XG: variants seen among roughly 807,000 people sequenced by gnomAD.
XG encodes glycoprotein Xg.
A neutral mutation model predicts 25.7 loss-of-function variants in XG; 24 were observed. The observed-to-expected ratio is 0.93, with a 90% CI of 0.68 to 1.31. The LOEUF (loss-of-function observed/expected upper bound fraction) is 1.31. Ranked by LOEUF, XG falls within the 40% of genes most tolerant of loss-of-function variation. The probability of loss-of-function intolerance (pLI) is 0.00; values close to 1 mark genes in which losing one functional copy is unlikely to be tolerated. For missense variants in XG, 181 were observed against 187.6 expected (o/e 0.96, Z 0.21); for synonymous variants, 77 against 69.2 (o/e 1.11, Z -0.56).
intron 1 of XG, among the ~76,000 whole-genome samples, chrX:2,758,067 C>T (rs770479817): frequency 3.3e-5 from 5 of 151,790 alleles, no homozygotes; most frequent in East Asian, 3.9e-4. Flanking sequence ...CCCCAAACCA[C>T]GCCAGCCTCA....
chrX:2,780,762 G>C (rs2051103062), intron 3 of XG, among the ~76,000 whole-genome samples: 1 of 152,042 alleles, frequency 6.6e-6, no homozygotes, highest in African/African-American at 2.4e-5. Context: ...TGGAAAGGTG[G>C]AGCACTTGAA....
At position 2,770,556 on chromosome X, in the gene XG, G is replaced by A. The variant is rs1249844113; in HGVS notation, c.68G>A (p.Arg23Lys). The A allele has an allele frequency of 6.2e-7, 1 of 1,613,814 alleles. No homozygotes were observed. Among genetic ancestry groups the A allele is most frequent in the African/African-American group, 1.3e-5 (1 of 74,908 alleles). ...LCFLMHARGQ[R>K]DFDLADALDD... ...CCCTGTTTGCTCCCAATAGGTCAAAGAGACTTTGATTTGGCAGATGCCCTT... is the reference window on the plus strand; with the variant it reads ...CCCTGTTTGCTCCCAATAGGTCAAAAAGACTTTGATTTGGCAGATGCCCTT... Residue 23 changes from arginine to lysine, a missense_variant, in exon 2 of 11, where the codon AGA becomes AAA. By Grantham distance (26) the Arg-to-Lys change is conservative (BLOSUM62 2). Transcript: ENST00000644266.
intron 6 of XG, 91 bp downstream of exon 6, chrX:2,794,694 G>A (rs2086868144): frequency 9.7e-7 from 1 of 1,027,765 alleles, no homozygotes; most frequent in African/African-American, 1.9e-5. Flanking sequence ...GAGAGCTGAG[G>A]TTGGGGCAGA....
At chrX:2,795,690 G>A (rs1429005175) in intron 6 of XG, among the ~76,000 whole-genome samples, 1 of 109,169 alleles carries the variant, frequency 9.2e-6, no homozygotes, top group Non-Finnish European at 1.9e-5. Flanking sequence ...ACGGAGTCTC[G>A]CTCTGTCGCC....
rs749958736 is a variant in XG, at chrX:2,780,267, A to G, written c.128-1799A>G. Among the ~76,000 whole-genome samples the G allele has an allele frequency of 3.3e-5, 5 of 151,540 alleles. No homozygotes were observed. The South Asian group carries it at 1.0e-3, about 31-fold the overall frequency. On this transcript the variant is annotated intron_variant, in intron 3 of 10. Transcript: ENST00000644266. ...AAAAGAAGAGGGATATGATCATTCC[A>G]TTCGCTGACAAGAAAAATTCAAAGA...
Position 2,814,475 on chromosome X carries a change from A to G in XG, c.*95A>G. The G allele has an allele frequency of 9.5e-7, 1 of 1,053,355 alleles. No individual in the cohort carries two copies. The highest frequency in any genetic ancestry group is 1.3e-6 in the Non-Finnish European group (1 of 776,711). The allele number at this position is 1,053,355 out of a possible 1,213,427, so 86.8% of individuals were successfully genotyped here. ...GAGATTTCCTTTTATTCTTGACACAATTTGATGACCTAAAGTGTGTTTTCT... is the reference window on the plus strand; with the variant it reads ...GAGATTTCCTTTTATTCTTGACACAGTTTGATGACCTAAAGTGTGTTTTCT... On this transcript the variant is annotated 3_prime_UTR_variant, in exon 11 of 11. Transcript: ENST00000644266.
chrX:2,810,281 T>C (rs1334204319), intron 9 of XG, among the ~76,000 whole-genome samples: 3 of 111,848 alleles, frequency 2.7e-5, no homozygotes, highest in African/African-American at 9.7e-5. Flanking sequence ...TCTTCCTTTT[T>C]TCCCTTTGGA....
intron 3 of XG, among the ~76,000 whole-genome samples, chrX:2,779,330 T>TAAAAA (rs34578775): frequency 9.4e-6 from 1 of 105,878 alleles, no homozygotes. Context: ...AGTGAGAGTA[T>TAAAAA]AAAAAAAAAA....
chrX:2,813,536 A>C (rs1215430205), intron 10 of XG, among the ~76,000 whole-genome samples: 1 of 112,193 alleles, frequency 8.9e-6, no homozygotes, highest in African/African-American at 3.2e-5. Context: ...GATGACGTAC[A>C]TGGTATACTA....
chrX:2,776,797 G>A (rs1473125308), intron 3 of XG, among the ~76,000 whole-genome samples: 1 of 151,836 alleles, frequency 6.6e-6, no homozygotes, highest in African/African-American at 2.4e-5. Flanking sequence ...GCAGTGAGCC[G>A]AGATCTCCCA....
intron 6 of XG, 138 bp downstream of exon 6, chrX:2,794,741 T>A (rs1462181666): frequency 2.8e-6 from 2 of 725,329 alleles, no homozygotes; most frequent in Non-Finnish European, 3.9e-6. Context: ...GTGCAGGGGA[T>A]GACAGAGAAG....
intron 1 of XG, among the ~76,000 whole-genome samples, chrX:2,761,358 C>A (rs1165107282): frequency 6.6e-6 from 1 of 151,586 alleles, no homozygotes; most frequent in African/African-American, 2.4e-5. Flanking sequence ...TCTGCCCATG[C>A]CTTGATCTCA....
intron 1 of XG, among the ~76,000 whole-genome samples, chrX:2,757,665 A>G (rs1232713507): frequency 2.0e-5 from 3 of 151,724 alleles, no homozygotes; most frequent in African/African-American, 4.8e-5. Flanking sequence ...TTTACTTCTA[A>G]AAATTGGGAT....
intron 1 of XG, among the ~76,000 whole-genome samples, chrX:2,761,267 A>G (rs1208034430): frequency 6.6e-6 from 1 of 152,168 alleles, no homozygotes; most frequent in Non-Finnish European, 1.5e-5. Flanking sequence ...ACACAGACAC[A>G]CACAGAGGGA....
chrX:2,796,995 A>T (rs750991636), intron 6 of XG, among the ~76,000 whole-genome samples: 3 of 112,031 alleles, frequency 2.7e-5, no homozygotes, highest in Non-Finnish European at 5.6e-5. Flanking sequence ...GGCTGATCTC[A>T]TATCAGTTTC....
intron 1 of XG, among the ~76,000 whole-genome samples, chrX:2,757,711 T>C (rs1044012577): frequency 6.6e-6 from 1 of 151,710 alleles, no homozygotes; most frequent in African/African-American, 2.4e-5. Context: ...GTGGCTCATG[T>C]TTGTAATCCC....
chrX:2,808,204 G>A lies in XG; in HGVS notation c.438G>A (p.Thr146=), dbSNP rs779814197. 5.6e-5 allele frequency: 68 copies of A among 1,208,987 alleles called. No homozygotes were observed. The highest frequency in any genetic ancestry group is 1.5e-4 in the East Asian group (5 of 33,714). ...GNTYGGDHHS[T]YGNPEGNMVA... ...TTACAGGTGGAGATCACCATTCAAC[G>A]TATGGCAATCCAGAAGGTAACTGAT... is the stretch of plus-strand genomic sequence containing the variant. Residue 146 remains threonine (T), a synonymous_variant, in exon 9 of 11, where the codon ACG becomes ACA. Coordinates refer to ENST00000644266, the MANE Select transcript of XG (RefSeq NM_001141919.2).
At chrX:2,774,823 G>C (rs188796890) in intron 3 of XG, 84 bp downstream of exon 3, 1 of 1,543,938 alleles carries the variant, frequency 6.5e-7, no homozygotes, top group Non-Finnish European at 9.0e-7. Flanking sequence ...ATGTTTTACA[G>C]AACTGTGGGG....
chrX:2,773,959 G>A (rs980589555), intron 2 of XG, among the ~76,000 whole-genome samples: 2 of 152,116 alleles, frequency 1.3e-5, no homozygotes, highest in African/African-American at 4.8e-5. Context: ...CCGTTTGGAG[G>A]TTCAAGCTCT....
Sources: gnomAD v4.1 joint callset for allele counts (sites outside exome capture counted in the v4.1 genomes callset) on GRCh38, gnomAD v4.1.1 for gene constraint, MANE v1.5 for transcripts, NCBI Gene and HGNC (gene_info 2026-07-23, HGNC 2026-07-21) for gene names.